The following UST variants were observed in gnomAD, a reference collection of about 807,000 sequenced individuals.
UST encodes chondroitin sulfate 2-O-sulfotransferase.
Under a neutral mutation model 45.6 loss-of-function variants are expected in UST, and 21 were observed. The ratio of observed to expected loss-of-function variants is 0.46; its 90% CI spans 0.33 to 0.66. The LOEUF is 0.66. UST is among the 30% of genes least tolerant of loss of function. The probability of loss-of-function intolerance (pLI) is 0.02; values close to 1 mark genes in which losing one functional copy is unlikely to be tolerated. For missense variants in UST, 463 were observed against 512.4 expected (o/e 0.90, Z 0.93); for synonymous variants, 215 against 200.6 (o/e 1.07, Z -0.61).
chr6:148,834,555 C>G (rs1391415844), intron 1 of UST, among the ~76,000 whole-genome samples: 1 of 152,022 alleles, frequency 6.6e-6, no homozygotes, highest in Non-Finnish European at 1.5e-5. Flanking sequence ...AGCAATATGA[C>G]GAAACCCTGT....
At chr6:148,889,810 A>G (rs954222934) in intron 2 of UST, among the ~76,000 whole-genome samples, 2 of 151,914 alleles carry the variant, frequency 1.3e-5, no homozygotes, top group African/African-American at 4.8e-5. Context: ...GTCAGTGCCT[A>G]GATTCGGTGT....
chr6:148,813,443 A>C (rs1582828031), intron 1 of UST, among the ~76,000 whole-genome samples: 1 of 151,086 alleles, frequency 6.6e-6, no homozygotes, highest in East Asian at 1.9e-4. Flanking sequence ...GTGCAGTGGC[A>C]CGATCTCAGC....
At chr6:148,981,994 G>A (rs905522614) in intron 5 of UST, among the ~76,000 whole-genome samples, 2 of 152,162 alleles carry the variant, frequency 1.3e-5, no homozygotes, top group Non-Finnish European at 2.9e-5. Context: ...GTCTGGTGAG[G>A]GCTTCTGTCT....
chr6:148,989,212 C>G (rs1034036107), intron 5 of UST, among the ~76,000 whole-genome samples: 2 of 65,532 alleles, frequency 3.1e-5, no homozygotes, highest in African/African-American at 8.0e-5. Context: ...AGTAAAGGCC[C>G]CCCCCCACCC....
intron 5 of UST, among the ~76,000 whole-genome samples, chr6:148,997,513 G>T (rs768101719): frequency 2.0e-5 from 3 of 151,966 alleles, no homozygotes; most frequent in Non-Finnish European, 4.4e-5. Context: ...AATGAAGGCA[G>T]GAAAAAATTG....
intron 5 of UST, among the ~76,000 whole-genome samples, chr6:148,989,193 C>T (rs1339415636): frequency 1.4e-5 from 2 of 147,942 alleles, no homozygotes; most frequent in African/African-American, 5.0e-5. Context: ...GGTGGAATTA[C>T]TTGACTTCAG....
chr6:148,906,582 G>T (rs1052980098), intron 2 of UST, among the ~76,000 whole-genome samples: 1 of 152,146 alleles, frequency 6.6e-6, no homozygotes, highest in African/African-American at 2.4e-5. Context: ...TATTAGGTTG[G>T]TGCAAAAGTG....
intron 2 of UST, among the ~76,000 whole-genome samples, chr6:148,920,071 AC>A (rs10712618): frequency 0.032 from 4,837 of 152,290 alleles, 264 homozygotes; most frequent in African/African-American, 0.11. Flanking sequence ...AGGCAGGTAC[AC>A]AAAAAACTTG....
chr6:148,789,540 A>T (rs1304897111), intron 1 of UST, among the ~76,000 whole-genome samples: 3 of 152,008 alleles, frequency 2.0e-5, no homozygotes, highest in Middle Eastern at 3.2e-3. Context: ...AAAAGAAAAT[A>T]ATGCAACATT....
intron 3 of UST, among the ~76,000 whole-genome samples, chr6:148,942,401 CA>C (rs1322797814): frequency 6.6e-6 from 1 of 151,718 alleles, no homozygotes; most frequent in Non-Finnish European, 1.5e-5. Flanking sequence ...ACTAAAAATA[CA>C]AAAAAATTAG....
chr6:148,976,596 T>C (rs1781021844), intron 5 of UST, among the ~76,000 whole-genome samples: 2 of 152,240 alleles, frequency 1.3e-5, no homozygotes, highest in Non-Finnish European at 2.9e-5. Context: ...GGCTGAGAGA[T>C]GAGAAATTAT....
intron 5 of UST, among the ~76,000 whole-genome samples, chr6:149,002,634 G>A (rs1171362342): frequency 6.6e-6 from 1 of 152,096 alleles, no homozygotes; most frequent in African/African-American, 2.4e-5. Context: ...AGCCTCTCGA[G>A]TAGCTGGGAC....
chr6:148,783,118 CA>C (rs1776674229), intron 1 of UST, among the ~76,000 whole-genome samples: 1 of 152,164 alleles, frequency 6.6e-6, no homozygotes, highest in African/African-American at 2.4e-5. Context: ...CCTCCTCCAG[CA>C]AAAAGATTAT....
chr6:149,076,794 C>A lies in UST; in HGVS notation c.*2678C>A, dbSNP rs1776895507. 1 of 151,816 alleles carries A rather than the reference C, an allele frequency of 6.6e-6. No homozygotes were observed. Among genetic ancestry groups the A allele is most frequent in the Non-Finnish European group, 1.5e-5 (1 of 67,928 alleles). 9.4% of individuals were successfully genotyped at this position (151,816 alleles called of 1,614,324 possible). ...TTAATTAAAATGATTTTATTTTGGT[C>A]TGATGGATGTTTTTTAAAAGGAAAA... On this transcript the variant is annotated 3_prime_UTR_variant, in exon 8 of 8. Coordinates refer to ENST00000367463, the MANE Select transcript of UST (RefSeq NM_005715.3).
At position 149,037,657 on chromosome 6, in the gene UST, G is replaced by A. The variant is rs563184508; in HGVS notation, c.937+16176G>A. Among the ~76,000 whole-genome samples the A allele has an allele frequency of 7.2e-5, 11 of 152,366 alleles. No individual in the cohort carries two copies. The East Asian group carries it at 1.5e-3, about 21-fold the overall frequency. ...GACTCAAAGTGTGGTCCACGGACCG[G>A]TGCCAGTCCGCAAGCTGCTTGCTAC... On this transcript the variant is annotated intron_variant, in intron 7 of 7. Transcript: ENST00000367463.
intron 1 of UST, among the ~76,000 whole-genome samples, chr6:148,845,138 CG>C (rs765901341): frequency 2.0e-5 from 3 of 152,094 alleles, no homozygotes; most frequent in Non-Finnish European, 2.9e-5. Context: ...TGTATTCCTT[CG>C]GGTATGTACC....
At chr6:148,769,294 C>T (rs550928267) in intron 1 of UST, among the ~76,000 whole-genome samples, 255 of 152,292 alleles carry the variant, frequency 1.7e-3, no homozygotes, top group African/African-American at 5.8e-3. Flanking sequence ...TTAATGTCTA[C>T]AAAATTCAAG....
At chr6:149,017,799 TACACACAC>T (rs10533222) in intron 5 of UST, among the ~76,000 whole-genome samples, 27,444 of 148,750 alleles carry the variant, frequency 0.18, 2,512 homozygotes, top group South Asian at 0.31. Context: ...TATCCATATA[TACACACAC>T]ACACACACAC....
intron 7 of UST, among the ~76,000 whole-genome samples, chr6:149,023,764 C>T (rs1776013052): frequency 6.6e-6 from 1 of 152,018 alleles, no homozygotes; most frequent in South Asian, 2.1e-4. Context: ...ACAGATAAAC[C>T]ACCTATAAAA....
Sources: allele counts gnomAD v4.1 joint callset (sites outside exome capture counted in the v4.1 genomes callset), GRCh38; gene constraint gnomAD v4.1.1; transcripts MANE v1.5; gene names NCBI Gene and HGNC (gene_info 2026-07-23, HGNC 2026-07-21).